The following RORA variants were observed in gnomAD, a reference collection of about 807,000 sequenced individuals.
RORA encodes RAR related orphan receptor A, also known as nuclear receptor ROR-alpha.
A neutral mutation model predicts 69.5 loss-of-function variants in RORA; 7 were observed. The ratio of observed to expected loss-of-function variants is 0.10; its 90% confidence interval spans 0.06 to 0.19. The LOEUF is 0.19. Among genes scored for constraint, RORA ranks in the 10% least tolerant of loss-of-function variants. The pLI is 1.00. For missense variants in RORA, 457 were observed against 663.0 expected, an observed-to-expected ratio of 0.69 and a Z score of 3.41; for synonymous variants, 261 against 240.8, an observed-to-expected ratio of 1.08 and a Z score of -0.78.
chr15:60,609,221 T>G (rs2069025787), intron 2 of RORA, among the ~76,000 whole-genome samples: 1 of 152,198 alleles, frequency 6.6e-6, no homozygotes, highest in South Asian at 2.1e-4. Flanking sequence ...ATTTGGCATC[T>G]CTGCTCCACA....
intron 2 of RORA, chr15:60,558,432 A>G (rs1383335707): frequency 3.3e-6 from 2 of 598,298 alleles, no homozygotes; most frequent in East Asian, 5.9e-5. Flanking sequence ...AATTTAATAG[A>G]TCTCATACAC....
At chr15:60,940,054 T>C (rs772434291) in intron 1 of RORA, among the ~76,000 whole-genome samples, 4 of 152,178 alleles carry the variant, frequency 2.6e-5, no homozygotes, top group Non-Finnish European at 5.9e-5. Context: ...GAGTAGAAGA[T>C]CACTTCCAAA....
At chr15:61,136,765 C>T (rs780465739) in intron 1 of RORA, among the ~76,000 whole-genome samples, 14 of 152,136 alleles carry the variant, frequency 9.2e-5, no homozygotes, top group African/African-American at 2.2e-4. Context: ...ACACATTCCA[C>T]GGCAAAGCAT....
intron 1 of RORA, among the ~76,000 whole-genome samples, chr15:60,903,478 A>G (rs1891446745): frequency 1.3e-5 from 2 of 152,354 alleles, no homozygotes; most frequent in South Asian, 4.1e-4. Flanking sequence ...TCATCCTCAG[A>G]GTCCTAATTC....
rs2065194468 is a variant in RORA at position 60,497,393 on chromosome 15, T to C, written c.*62A>G. ...GGGCCATATAAAGTGTCTCGGTTAA[T>C]TTTTTTGTTTGTTTTTCATGTTTGT... is the stretch of plus-strand genomic sequence containing the variant. On this transcript the variant is annotated 3_prime_UTR_variant, in exon 11 of 11. Coordinates refer to ENST00000335670, the MANE Select transcript of RORA (RefSeq NM_134261.3). 5 of 1,492,390 alleles carry C rather than the reference T, an allele frequency of 3.4e-6. No individual in the cohort carries two copies. The highest frequency in any genetic ancestry group is 4.6e-6 in the Non-Finnish European group (5 of 1,076,626). The allele number at this position is 1,492,390 out of a possible 1,614,324, so 92.4% of individuals were successfully genotyped here.
chr15:60,838,153 T>C (rs555760286), intron 1 of RORA, among the ~76,000 whole-genome samples: 5 of 152,282 alleles, frequency 3.3e-5, no homozygotes, highest in African/African-American at 9.6e-5. Context: ...CTGTGTTCCC[T>C]ACCCCCTTAG....
intron 1 of RORA, among the ~76,000 whole-genome samples, chr15:60,792,412 T>C (rs983847017): frequency 3.9e-5 from 6 of 152,080 alleles, no homozygotes; most frequent in Non-Finnish European, 7.4e-5. Flanking sequence ...CGGCTGAAAA[T>C]TTAACAAGTA....
intron 1 of RORA, among the ~76,000 whole-genome samples, chr15:60,893,439 C>A (rs555839212): frequency 6.6e-6 from 1 of 152,302 alleles, no homozygotes; most frequent in Admixed American, 6.5e-5. Context: ...GACAACCAAA[C>A]CCCCACTCCG....
intron 1 of RORA, among the ~76,000 whole-genome samples, chr15:60,802,189 A>G (rs542624453): frequency 2.2e-4 from 33 of 152,346 alleles, no homozygotes; most frequent in African/African-American, 6.3e-4. Flanking sequence ...CTGGGCCCTG[A>G]CAAGGACAGG....
chr15:60,501,204 G>A (rs1595866891), intron 8 of RORA, 135 bp from the exon 9 acceptor site: 3 of 616,380 alleles, frequency 4.9e-6, no homozygotes, highest in African/African-American at 3.8e-5. Context: ...AAGGTGAAGA[G>A]AGATCTAGTG....
chr15:60,826,766 CCTCT>C (rs572975247), intron 1 of RORA, among the ~76,000 whole-genome samples: 21,175 of 125,060 alleles, frequency 0.17, 2,099 homozygotes, highest in South Asian at 0.27. Flanking sequence ...TCTCTCTCTC[CCTCT>C]CTCTCTCTCT....
At chr15:61,161,929 T>A (rs2079499422) in intron 1 of RORA, among the ~76,000 whole-genome samples, 1 of 152,170 alleles carries the variant, frequency 6.6e-6, no homozygotes, top group African/African-American at 2.4e-5. Flanking sequence ...CCACTGAAAA[T>A]CACGTTTTTG....
At position 61,061,785 on chromosome 15, in the gene RORA, G is replaced by A. The variant is rs8030272; in HGVS notation, c.166+167268C>T. Among the ~76,000 whole-genome samples, 4,869 of 152,148 alleles carry A rather than the reference G, an allele frequency of 0.032. 184 individuals carry two copies. Among genetic ancestry groups the A allele is most frequent in the East Asian group, 0.11 (556 of 5,174 alleles). On this transcript the variant is annotated intron_variant, in intron 1 of 10. Coordinates refer to ENST00000335670, the MANE Select transcript of RORA (RefSeq NM_134261.3). The surrounding 1 kb of genome is among the most constrained non-coding windows in gnomAD (Gnocchi z 4.4). Reference sequence around the variant, plus strand: ...GCACTCAATAAATGTTAGTAAGGCCGGGCACGGTGGTTCACGCCTGTAACC... The same window carrying A: ...GCACTCAATAAATGTTAGTAAGGCCAGGCACGGTGGTTCACGCCTGTAACC...
chr15:60,511,709 TCA>T lies in RORA; in HGVS notation c.425-90_425-89del. 1.5e-6 allele frequency: 2 copies of T among 1,365,654 alleles called. No homozygotes were observed. The highest frequency in any genetic ancestry group is 2.0e-6 in the Non-Finnish European group (2 of 1,020,378). The allele number at this position is 1,365,654 out of a possible 1,614,324, so 84.6% of individuals were successfully genotyped here. On this transcript the variant is annotated intron_variant, in intron 4 of 10. Transcript: ENST00000335670. This position sits in a 1 kb window ranked among gnomAD's most constrained non-coding sequence, Gnocchi z 6.4. The stretch of plus-strand genomic sequence containing the variant: ...GAGCTTTGGGGTTTCCTTTGAAGTC[TCA>T]CACAATCTCAATCCAAAACTGCATG...
intron 1 of RORA, among the ~76,000 whole-genome samples, chr15:60,684,179 C>T (rs2070702368): frequency 6.6e-6 from 1 of 151,930 alleles, no homozygotes; most frequent in East Asian, 1.9e-4. Context: ...GGCCTTGTAT[C>T]CTGGACAAGG....
At chr15:60,856,586 T>C (rs1200354089) in intron 1 of RORA, among the ~76,000 whole-genome samples, 1 of 152,144 alleles carries the variant, frequency 6.6e-6, no homozygotes, top group Non-Finnish European at 1.5e-5. Context: ...ATTAATACTT[T>C]TACAACTTGA....
intron 1 of RORA, among the ~76,000 whole-genome samples, chr15:60,924,998 G>T (rs1892165674): frequency 6.6e-6 from 1 of 152,004 alleles, no homozygotes; most frequent in Non-Finnish European, 1.5e-5. Context: ...AGAATCCCTT[G>T]AACCCAGGAG....
In RORA at chr15:60,783,792, T is replaced by C. The variant is rs147447478; in HGVS notation, c.167-105106A>G. Among the ~76,000 whole-genome samples the C allele has an allele frequency of 5.9e-3, 904 of 152,336 alleles. 10 individuals carry two copies. The highest frequency in any genetic ancestry group is 0.021 in the African/African-American group (877 of 41,572). ...CCTGGAAGTACCTCCAGTAAGGGCC[T>C]GAGAAAACTTTAAATGCCAGGGTTT... On this transcript the variant is annotated intron_variant, in intron 1 of 10. Transcript: ENST00000335670.
At chr15:61,155,309 A>G (rs577293557) in intron 1 of RORA, among the ~76,000 whole-genome samples, 3 of 152,222 alleles carry the variant, frequency 2.0e-5, no homozygotes, top group Non-Finnish European at 4.4e-5. Flanking sequence ...AATTCCATTA[A>G]CCTTCAAATA....
Sources: allele counts gnomAD v4.1 joint callset (sites outside exome capture counted in the v4.1 genomes callset), GRCh38; gene constraint gnomAD v4.1.1; non-coding constraint Gnocchi (gnomAD v3.1); transcripts MANE v1.5; gene names NCBI Gene and HGNC (gene_info 2026-07-23, HGNC 2026-07-21).